Variants in IQGAP2 observed in about 807,000 individuals in gnomAD.
IQGAP2 encodes ras GTPase-activating-like protein IQGAP2.
A neutral mutation model predicts 201.3 loss-of-function variants in IQGAP2; 173 were observed. The observed-to-expected ratio is 0.86, with a 90% CI of 0.76 to 0.98. IQGAP2 has a LOEUF of 0.98. Ranked by LOEUF, IQGAP2 falls within the 50% of genes least tolerant of loss-of-function variation. IQGAP2 has a pLI of 0.00. For missense variants in IQGAP2, 1,687 were observed against 1,864.8 expected (o/e 0.90, Z 1.76); for synonymous variants, 675 against 673.9 (o/e 1.00, Z -0.03).
chr5:76,674,377 G>A (rs1744620406), intron 26 of IQGAP2, 100 bp from the exon 27 acceptor site: 1 of 673,190 alleles, frequency 1.5e-6, no homozygotes, highest in Non-Finnish European at 2.5e-6. Context: ...GCTTTCTCTT[G>A]GGAAATGTAG....
At chr5:76,408,820 T>C (rs557752046) in intron 1 of IQGAP2, among the ~76,000 whole-genome samples, 1 of 152,096 alleles carries the variant, frequency 6.6e-6, no homozygotes, top group East Asian at 1.9e-4. Flanking sequence ...TGAGATGGAG[T>C]TCCACTATGT....
chr5:76,660,920 A>G (rs1196953468), intron 21 of IQGAP2, among the ~76,000 whole-genome samples: 2 of 152,188 alleles, frequency 1.3e-5, no homozygotes, highest in African/African-American at 2.4e-5. Context: ...TATAGCCACT[A>G]AAAATGATGG....
At chr5:76,468,545 T>A (rs1754915038) in intron 2 of IQGAP2, among the ~76,000 whole-genome samples, 1 of 152,222 alleles carries the variant, frequency 6.6e-6, no homozygotes, top group Non-Finnish European at 1.5e-5. Context: ...GCCAAAGGAT[T>A]CCAGCATCTC....
At chr5:76,591,510 T>A (rs566694062) in intron 8 of IQGAP2, among the ~76,000 whole-genome samples, 17 of 152,318 alleles carry the variant, frequency 1.1e-4, no homozygotes, top group East Asian at 1.9e-4. Context: ...CCATGTCAGT[T>A]TCAGCTCCAT....
chr5:76,623,433 A>G (rs2150368069), intron 13 of IQGAP2: 2 of 597,768 alleles, frequency 3.3e-6, no homozygotes, highest in East Asian at 2.8e-5. Flanking sequence ...TTCAGTAAGC[A>G]TGACTCAGGC....
At chr5:76,631,297 A>C (rs1019357043) in intron 14 of IQGAP2, among the ~76,000 whole-genome samples, 4 of 152,112 alleles carry the variant, frequency 2.6e-5, no homozygotes, top group Non-Finnish European at 5.9e-5. Flanking sequence ...AATGGGATAA[A>C]ATGCTTGTTA....
Position 76,673,535 on chromosome 5 carries a change from G to T in IQGAP2, c.3155G>T (p.Arg1052Ile), listed in dbSNP as rs2287932. 3,336 of 1,614,056 alleles carry T rather than the reference G, an allele frequency of 2.1e-3. 65 individuals carry two copies. In the Admixed American group the frequency reaches 0.031, roughly 15 times the overall value. The change falls in exon 25 of 36, where the codon AGA (arginine) becomes ATA (isoleucine). Residue 1052 changes from arginine to isoleucine, a missense_variant. Transcript: ENST00000274364. Reference sequence around the variant, plus strand: ...CTGGAGGCTTCCATTGAGAACCTGAGAAGGGTCACCGACAAAGTCCTGAAT... The same window carrying T: ...CTGGAGGCTTCCATTGAGAACCTGATAAGGGTCACCGACAAAGTCCTGAAT... Reference protein sequence around the residue: ...NKLEASIENLRRVTDKVLNSI... With the variant: ...NKLEASIENLIRVTDKVLNSI...
At chr5:76,655,633 C>G (rs419660) in intron 20 of IQGAP2, among the ~76,000 whole-genome samples, 94,601 of 151,560 alleles carry the variant, frequency 0.62, 29,760 homozygotes, top group South Asian at 0.82. Context: ...ATTTTCAGTA[C>G]AGCCGGGGTT....
At chr5:76,571,484 G>A (rs548132064) in intron 4 of IQGAP2, among the ~76,000 whole-genome samples, 23 of 152,198 alleles carry the variant, frequency 1.5e-4, no homozygotes, top group African/African-American at 4.8e-4. Flanking sequence ...CATGCCCGGC[G>A]TATAAATTAT....
At chr5:76,592,548 A>C (rs1746733543) in intron 8 of IQGAP2, among the ~76,000 whole-genome samples, 1 of 149,726 alleles carries the variant, frequency 6.7e-6, no homozygotes, top group African/African-American at 2.5e-5. Flanking sequence ...GGCACTATTC[A>C]ACTGTTTTTG....
intron 2 of IQGAP2, among the ~76,000 whole-genome samples, chr5:76,496,749 C>CTTTCTTTCTTTCTTTCTTTCTTTCTTTCT (rs1756965694): frequency 1.5e-4 from 9 of 60,502 alleles, no homozygotes; most frequent in Admixed American, 1.0e-3. Context: ...TTCTTTCTTT[C>CTTTCTTTCTTTCTTTCTTTCTTTCTTTCT]TTTCTTTCTT....
chr5:76,501,064 A>T (rs186691225), intron 2 of IQGAP2, among the ~76,000 whole-genome samples: 1 of 151,300 alleles, frequency 6.6e-6, no homozygotes, highest in Non-Finnish European at 1.5e-5. Flanking sequence ...GGAATTGACC[A>T]TTAAATGTGA....
At chr5:76,574,642 TC>T (rs1478651148) in intron 4 of IQGAP2, among the ~76,000 whole-genome samples, 2 of 152,170 alleles carry the variant, frequency 1.3e-5, no homozygotes, top group African/African-American at 4.8e-5. Flanking sequence ...TAGGATAACC[TC>T]CCGTGACACA....
intron 1 of IQGAP2, among the ~76,000 whole-genome samples, chr5:76,405,587 G>A (rs1177335557): frequency 6.6e-6 from 1 of 152,190 alleles, no homozygotes; most frequent in Admixed American, 6.5e-5. Context: ...TATGAATGGT[G>A]TATTTTCAGT....
intron 20 of IQGAP2, among the ~76,000 whole-genome samples, chr5:76,655,213 G>A (rs892644529): frequency 6.6e-6 from 1 of 152,032 alleles, no homozygotes; most frequent in Non-Finnish European, 1.5e-5. Flanking sequence ...TAAATGGAAG[G>A]GATCAGCCAC....
chr5:76,686,351 T>C (rs1745750027), intron 30 of IQGAP2, among the ~76,000 whole-genome samples: 1 of 151,918 alleles, frequency 6.6e-6, no homozygotes, highest in African/African-American at 2.4e-5. Context: ...TTGTTGTTGT[T>C]GTTGTTGTTG....
At chr5:76,426,887 C>T (rs911947303) in intron 1 of IQGAP2, among the ~76,000 whole-genome samples, 1 of 135,094 alleles carries the variant, frequency 7.4e-6, no homozygotes, top group Admixed American at 7.4e-5. Context: ...CTGAGCCAAG[C>T]GGGGAAAAAC....
chr5:76,606,189 A>G lies in IQGAP2; in HGVS notation c.1243A>G (p.Thr415Ala). ...TTTTCTCTTCCACAGTTATGCAAACACACTACTCTCTGTTAAACTAGAAGT... is the reference window on the plus strand; with the variant it reads ...TTTTCTCTTCCACAGTTATGCAAACGCACTACTCTCTGTTAAACTAGAAGT... ...DKAYVERYAN[T>A]LLSVKLEVLS... Residue 415 changes from threonine (T) to alanine (A), a missense_variant, in exon 12 of 36, where the codon ACA becomes GCA. Coordinates refer to ENST00000274364, the MANE Select transcript of IQGAP2 (RefSeq NM_006633.5). The G allele has an allele frequency of 6.3e-7, 1 of 1,598,258 alleles. No individual in the cohort carries two copies. Among genetic ancestry groups the G allele is most frequent in the Non-Finnish European group, 8.5e-7 (1 of 1,173,086 alleles).
At chr5:76,643,535 T>C (rs1751759877) in intron 17 of IQGAP2, among the ~76,000 whole-genome samples, 1 of 152,138 alleles carries the variant, frequency 6.6e-6, no homozygotes. Flanking sequence ...ATGATAGAGA[T>C]AATGACTCAG....
Sources: allele counts gnomAD v4.1 joint callset (sites outside exome capture counted in the v4.1 genomes callset), GRCh38; gene constraint gnomAD v4.1.1; transcripts MANE v1.5; gene names NCBI Gene and HGNC (gene_info 2026-07-23, HGNC 2026-07-21).